MAP3K8: variants seen among roughly 807,000 people sequenced by gnomAD.
MAP3K8 encodes the protein Ewing sarcoma transformant.
Under a neutral mutation model 45.8 loss-of-function variants are expected in MAP3K8, and 22 were observed. The ratio of observed to expected loss-of-function variants is 0.48; its 90% CI spans 0.34 to 0.69. The LOEUF (loss-of-function observed/expected upper bound fraction) is 0.69, where lower values mean the gene tolerates loss of function less well. Ranked by LOEUF, MAP3K8 falls within the 30% of genes least tolerant of loss-of-function variation. The pLI is 0.01. For missense variants in MAP3K8, 419 were observed against 585.0 expected, an observed-to-expected ratio of 0.72 and a Z score of 2.93; for synonymous variants, 223 against 214.3, an observed-to-expected ratio of 1.04 and a Z score of -0.36.
intron 3 of MAP3K8, among the ~76,000 whole-genome samples, chr10:30,447,188 A>G (rs78416619): frequency 3.0e-3 from 460 of 152,328 alleles, no homozygotes; most frequent in Non-Finnish European, 5.0e-3. Context: ...CCTAGCACCT[A>G]TTTTGCAAGC....
At chr10:30,456,171 T>C (rs915691881) in intron 6 of MAP3K8, among the ~76,000 whole-genome samples, 1 of 152,178 alleles carries the variant, frequency 6.6e-6, no homozygotes, top group Non-Finnish European at 1.5e-5. Context: ...ATAATACCCA[T>C]TGCATTTCTT....
intron 1 of MAP3K8, chr10:30,434,734 C>T (rs1482729641): frequency 1.0e-6 from 1 of 985,448 alleles, no homozygotes; most frequent in Non-Finnish European, 1.2e-6. Context: ...CCGCACTCTC[C>T]CTGCCCGAGA....
intron 4 of MAP3K8, among the ~76,000 whole-genome samples, chr10:30,448,804 C>T (rs1836435836): frequency 6.6e-6 from 1 of 152,080 alleles, no homozygotes. Context: ...ATAAGGTGAG[C>T]ATTCACACCC....
chr10:30,447,355 T>G (rs897017315), intron 3 of MAP3K8, among the ~76,000 whole-genome samples: 5 of 152,238 alleles, frequency 3.3e-5, no homozygotes, highest in African/African-American at 1.2e-4. Context: ...TTGATGTTCT[T>G]TCTCTGTATG....
Position 30,436,801 on chromosome 10 carries a change from T to A in MAP3K8, c.-254-375T>A, listed in dbSNP as rs537248129. Among the ~76,000 whole-genome samples, 3 of 103,538 alleles carry A rather than the reference T, an allele frequency of 2.9e-5. No homozygotes were observed. In the Admixed American group the frequency reaches 3.3e-4, roughly 12 times the overall value. 67.9% of individuals were successfully genotyped at this position (103,538 alleles called of 152,430 possible). On this transcript the variant is annotated intron_variant, in intron 1 of 8. Transcript: ENST00000263056. Reference sequence around the variant, plus strand: ...TTTCTTTCTTGAGTCATGTTAGTACTGAGAACTTTTTTTTTTTCTGTCAAA... The same window carrying A: ...TTTCTTTCTTGAGTCATGTTAGTACAGAGAACTTTTTTTTTTTCTGTCAAA...
chr10:30,439,944 G>A (rs1214346868), intron 3 of MAP3K8, among the ~76,000 whole-genome samples: 2 of 152,218 alleles, frequency 1.3e-5, no homozygotes, highest in Admixed American at 6.5e-5. Context: ...AATTAATCTT[G>A]AAGGCTGAAT....
chr10:30,437,233 G>C lies in MAP3K8; in HGVS notation c.-197G>C, dbSNP rs1835942707. On this transcript the variant is annotated 5_prime_UTR_variant, in exon 2 of 9. Coordinates refer to ENST00000263056, the MANE Select transcript of MAP3K8 (RefSeq NM_005204.4). ...AATAGGTAGCCACATCTTGTTTGCA[G>C]ATAAGAAAGGAAGCTAACGCAGTAT... is the stretch of plus-strand genomic sequence containing the variant. 2.0e-6 allele frequency: 2 copies of C among 985,150 alleles called. No individual in the cohort carries two copies. The highest frequency in any genetic ancestry group is 2.4e-6 in the Non-Finnish European group (2 of 829,872). 61.0% of individuals were successfully genotyped at this position (985,150 alleles called of 1,614,324 possible). A position where few individuals can be genotyped will look rare whatever the true frequency, so the allele number is the denominator to read the frequency against.
rs572532178 is a variant in MAP3K8 at position 30,451,067 on chromosome 10, T to TG, written c.766+551dup. On this transcript the variant is annotated intron_variant, in intron 5 of 8. Coordinates refer to ENST00000263056, the MANE Select transcript of MAP3K8 (RefSeq NM_005204.4). ...AGATGGCGCCATTGCTCTCCCAGCC[T>TG]GGGTGACAAGAGCAAAACTCCGTCT... 7.8e-5 allele frequency among the ~76,000 whole-genome samples: 11 copies of TG among 140,352 alleles called. No individual in the cohort carries two copies. The East Asian group carries it at 2.3e-3, about 29-fold the overall frequency. 92.1% of individuals were successfully genotyped at this position (140,352 alleles called of 152,430 possible).
In MAP3K8 at chr10:30,447,815, G is replaced by A. The variant is rs2132807470; in HGVS notation, c.370G>A (p.Asp124Asn). The A allele has an allele frequency of 1.2e-6, 2 of 1,613,832 alleles. No individual in the cohort carries two copies. The highest frequency in any genetic ancestry group is 4.5e-5 in the East Asian group (2 of 44,882). ...TCCCCAAAATGGACGTTACCAAATA[G>A]ATTCCGATGTTCTCCTGATCCCCTG... Reference protein sequence around the residue: ...ITPQNGRYQIDSDVLLIPWKL... With the variant: ...ITPQNGRYQINSDVLLIPWKL... Residue 124 changes from aspartate to asparagine, a missense_variant, in exon 4 of 9, where the codon GAT becomes AAT. Around this residue, in one of 3 missense-constraint regions of MAP3K8, gnomAD observed 209 missense variants for 367.3 expected, o/e 0.57. Coordinates refer to ENST00000263056, the MANE Select transcript of MAP3K8 (RefSeq NM_005204.4).
chr10:30,459,485 TC>T lies in MAP3K8; in HGVS notation c.1259del (p.Pro420LeufsTer61). The T allele has an allele frequency of 6.2e-7, 1 of 1,613,864 alleles. No individual in the cohort carries two copies. The highest frequency in any genetic ancestry group is 8.5e-7 in the Non-Finnish European group (1 of 1,180,012). On this transcript the variant is annotated frameshift_variant, in exon 8 of 9. Transcript: ENST00000263056. LOFTEE classifies it high-confidence loss of function. ...TGCTGAGTAGGAAGGAGCTGGAACTTCCTGAGAACATTGCTGGTAGGGACAC... is the reference window on the plus strand; with the variant it reads ...TGCTGAGTAGGAAGGAGCTGGAACTTCTGAGAACATTGCTGGTAGGGACAC... ...RLLSRKELEL[P>X]ENIADSSCTG... is the part of the protein sequence containing the mutation.
At chr10:30,448,416 TA>T (rs201196028) in intron 4 of MAP3K8, among the ~76,000 whole-genome samples, 2,898 of 147,076 alleles carry the variant, frequency 0.02, 71 homozygotes, top group African/African-American at 0.028. Context: ...ATCCCAAATT[TA>T]TTATTATTAT....
intron 4 of MAP3K8, 83 bp from the exon 5 acceptor site, chr10:30,450,175 T>G: frequency 7.4e-7 from 1 of 1,360,308 alleles, no homozygotes; most frequent in Non-Finnish European, 1.0e-6. Flanking sequence ...ATTTGCCTTT[T>G]GTTTTTTGCA....
At position 30,460,978 on chromosome 10, in the gene MAP3K8, C is replaced by A; in HGVS notation, c.*142C>A. On this transcript the variant is annotated 3_prime_UTR_variant, in exon 9 of 9. Transcript: ENST00000263056. ...CCTCCTGTGACCCGTGAATGTGCCT[C>A]CAAGCGGCCCTGTGTGTTTGACATG... The A allele has an allele frequency of 2.1e-6, 2 of 963,058 alleles. No homozygotes were observed. The highest frequency in any genetic ancestry group is 3.6e-5 in the South Asian group (2 of 55,352). The allele number at this position is 963,058 out of a possible 1,614,324, so 59.7% of individuals were successfully genotyped here.
chr10:30,444,151 C>T (rs1836223654), intron 3 of MAP3K8, among the ~76,000 whole-genome samples: 1 of 151,442 alleles, frequency 6.6e-6, no homozygotes, highest in Non-Finnish European at 1.5e-5. Flanking sequence ...GATGGGGCCA[C>T]TGCACTCCAG....
chr10:30,435,175 C>CT (rs1271887626), intron 1 of MAP3K8, among the ~76,000 whole-genome samples: 1 of 152,202 alleles, frequency 6.6e-6, no homozygotes, highest in African/African-American at 2.4e-5. Context: ...GTCTATTTCA[C>CT]TTTTGGGAAG....
At chr10:30,437,546 C>T (rs1280774238) in intron 2 of MAP3K8, 140 bp downstream of exon 2, 1 of 152,466 alleles carries the variant, frequency 6.6e-6, no homozygotes, top group East Asian at 1.9e-4. Flanking sequence ...CAGTCTGAGA[C>T]CAGAGGAATG....
chr10:30,456,612 TAAC>T (rs893033543), intron 6 of MAP3K8, among the ~76,000 whole-genome samples: 7 of 152,186 alleles, frequency 4.6e-5, no homozygotes, highest in African/African-American at 9.7e-5. Context: ...ATCAGGATAT[TAAC>T]TACTATATGT....
intron 3 of MAP3K8, 144 bp downstream of exon 3, chr10:30,439,418 C>A: frequency 3.6e-6 from 5 of 1,376,880 alleles, no homozygotes; most frequent in South Asian, 1.7e-5. Context: ...AGAAGTACTT[C>A]CATGTTAAAG....
At chr10:30,447,315 T>C (rs1836374393) in intron 3 of MAP3K8, among the ~76,000 whole-genome samples, 1 of 152,240 alleles carries the variant, frequency 6.6e-6, no homozygotes, top group South Asian at 2.1e-4. Context: ...GCTGTGGTTT[T>C]CCAAAATCTT....
Sources: allele counts gnomAD v4.1 joint callset (sites outside exome capture counted in the v4.1 genomes callset), GRCh38; gene constraint gnomAD v4.1.1; regional missense constraint gnomAD v4.1.1; transcripts MANE v1.5; gene names NCBI Gene and HGNC (gene_info 2026-07-23, HGNC 2026-07-21).